The following ETFB variants were observed in gnomAD, a reference collection of about 807,000 sequenced individuals.
The protein encoded by ETFB is beta-ETF.
Under a neutral mutation model 25.6 loss-of-function variants are expected in ETFB, and 20 were observed. The observed-to-expected ratio is 0.78, with a 90% CI of 0.55 to 1.14. ETFB has a LOEUF of 1.14. Among genes scored for constraint, ETFB ranks in the 50% most tolerant of loss-of-function variants. The pLI, the probability that ETFB is intolerant of heterozygous loss-of-function variation, is 0.00. For synonymous variants in ETFB, 142 were observed against 146.7 expected (o/e 0.97, Z 0.23); for missense variants, 286 against 342.6 (o/e 0.83, Z 1.30).
chr19:51,354,480 C>T, intron 1 of ETFB, 172 bp from the exon 2 acceptor site: 1 of 1,614,150 alleles, frequency 6.2e-7, no homozygotes, highest in Non-Finnish European at 8.5e-7. Flanking sequence ...AGTTTGTAGG[C>T]AGGGGCAGGT....
intron 3 of ETFB, among the ~76,000 whole-genome samples, chr19:51,352,047 G>A (rs756959296): frequency 3.3e-5 from 5 of 151,968 alleles, no homozygotes; most frequent in African/African-American, 1.2e-4. Flanking sequence ...CTACCCCTGA[G>A]CAGAGGTGGT....
At chr19:51,347,419 C>G (rs561769511) in intron 4 of ETFB, 1 of 225,708 alleles carries the variant, frequency 4.4e-6, no homozygotes, top group African/African-American at 2.3e-5. Context: ...CCCCACTTTA[C>G]AGATGAGAGA....
chr19:51,361,080 C>T (rs1312561105), intron 1 of ETFB, among the ~76,000 whole-genome samples: 3 of 152,030 alleles, frequency 2.0e-5, no homozygotes, highest in Admixed American at 6.6e-5. Flanking sequence ...CCACCGCGCC[C>T]GGCCCACGCC....
intron 1 of ETFB, among the ~76,000 whole-genome samples, chr19:51,360,400 CAA>C (rs1245691469): frequency 6.2e-5 from 7 of 113,144 alleles, no homozygotes; most frequent in African/African-American, 3.3e-5. Flanking sequence ...GATTCTATCT[CAA>C]AAAAAAAAAA....
At position 51,350,205 on chromosome 19, in the gene ETFB, G is replaced by A. The variant is rs1194177592; in HGVS notation, c.438+124C>T. ...TCAAGGAGGGGAACAAGAAAGCCAT[G>A]AGGCAATCCGAGGGAACAGTGTTCC... On this transcript the variant is annotated intron_variant, in intron 4 of 5. Coordinates refer to ENST00000309244, the MANE Select transcript of ETFB (RefSeq NM_001985.3). The A allele has an allele frequency of 5.6e-6, 6 of 1,076,008 alleles. No homozygotes were observed. In the East Asian group the frequency reaches 1.3e-4, roughly 23 times the overall value. 66.7% of individuals were successfully genotyped at this position (1,076,008 alleles called of 1,614,324 possible). A position where few individuals can be genotyped will look rare whatever the true frequency, so the allele number is the denominator to read the frequency against.
chr19:51,348,933 G>A (rs150375792), intron 4 of ETFB, among the ~76,000 whole-genome samples: 3 of 152,270 alleles, frequency 2.0e-5, no homozygotes, highest in South Asian at 2.1e-4. Context: ...TCCAAAAAAC[G>A]TAAAATACAG....
intron 3 of ETFB, among the ~76,000 whole-genome samples, chr19:51,351,977 C>T (rs944602530): frequency 1.3e-5 from 2 of 152,068 alleles, no homozygotes; most frequent in African/African-American, 4.8e-5. Flanking sequence ...GCTCTTCTGA[C>T]GTCCCTCTTC....
chr19:51,358,485 G>A (rs1226903035), intron 1 of ETFB, among the ~76,000 whole-genome samples: 1 of 151,826 alleles, frequency 6.6e-6, no homozygotes, highest in African/African-American at 2.4e-5. Context: ...TGGGCAACAG[G>A]TTCTACAAAC....
intron 1 of ETFB, among the ~76,000 whole-genome samples, chr19:51,364,780 T>C (rs531601982): frequency 5.3e-5 from 8 of 152,254 alleles, no homozygotes; most frequent in Non-Finnish European, 8.8e-5. Flanking sequence ...TTGAGGGAGA[T>C]GGGAGAGCAG....
intron 2 of ETFB, among the ~76,000 whole-genome samples, chr19:51,353,761 C>T (rs74176132): frequency 0.29 from 3,073 of 10,722 alleles, 1,115 homozygotes; most frequent in Middle Eastern, 0.42. Flanking sequence ...TCCAGACTTC[C>T]AGCCTCCTCC....
intron 1 of ETFB, chr19:51,361,889 G>A (rs1344085240): frequency 2.0e-5 from 3 of 151,980 alleles, no homozygotes; most frequent in Admixed American, 1.3e-4. Flanking sequence ...ATTTTTAGTA[G>A]AGACAGAGTT....
Position 51,353,113 on chromosome 19 carries a change from G to A in ETFB, c.375+19C>T, listed in dbSNP as rs1243994371. 4 of 1,613,592 alleles carry A rather than the reference G, an allele frequency of 2.5e-6. No homozygotes were observed. Among genetic ancestry groups the A allele is most frequent in the Non-Finnish European group, 3.4e-6 (4 of 1,179,934 alleles). On this transcript the variant is annotated intron_variant, in intron 3 of 5. Coordinates refer to ENST00000309244, the MANE Select transcript of ETFB (RefSeq NM_001985.3). Reference sequence around the variant, plus strand: ...GCAGGGATGAGCAAGGGGGCACAGGGAGGGCTGACCACAGCTACCTGTTTG... The same window carrying A: ...GCAGGGATGAGCAAGGGGGCACAGGAAGGGCTGACCACAGCTACCTGTTTG...
In ETFB at chr19:51,366,384, G is replaced by GGGCCCCCCCC; in HGVS notation, c.-59_-58insGGGGGGGGCC. ...GCACCCTCAGCGGCTCAGTCCAGAA[G>GGGCCCCCCCC]CCCCACCACCCCCGCCCCCCGCGCC... On this transcript the variant is annotated 5_prime_UTR_variant, in exon 1 of 6. Coordinates refer to ENST00000309244, the MANE Select transcript of ETFB (RefSeq NM_001985.3). The GGGCCCCCCCC allele has an allele frequency of 1.3e-6, 2 of 1,525,616 alleles. No homozygotes were observed. Among genetic ancestry groups the GGGCCCCCCCC allele is most frequent in the East Asian group, 2.3e-5 (1 of 42,564 alleles). 94.5% of individuals were successfully genotyped at this position (1,525,616 alleles called of 1,614,324 possible).
intron 2 of ETFB, 71 bp downstream of exon 2, chr19:51,354,079 C>T: frequency 2.6e-6 from 4 of 1,536,190 alleles, no homozygotes; most frequent in Non-Finnish European, 3.5e-6. Context: ...CCCTCAGACC[C>T]AGGAGTCCAG....
chr19:51,361,273 A>G (rs2123608846), intron 1 of ETFB, among the ~76,000 whole-genome samples: 1 of 152,128 alleles, frequency 6.6e-6, no homozygotes, highest in East Asian at 1.9e-4. Flanking sequence ...CTCTTCCTGA[A>G]CCCCTGACAC....
In ETFB at chr19:51,346,976, C is replaced by T. The variant is rs141917423; in HGVS notation, c.521G>A (p.Arg174His). Residue 174 changes from arginine to histidine, a missense_variant, in exon 5 of 6, where the codon CGC becomes CAC. Arg to His is a conservative substitution (Grantham distance 29). Transcript: ENST00000309244. ...REIDGGLETLRLKLPAVVTAD... is the reference protein window; with the variant it reads ...REIDGGLETLHLKLPAVVTAD... ...TGTCACCACAGCTGGCAGCTTCAGG[C>T]GCAGGGTCTCCAGGCCCCCATCGAT... is the stretch of plus-strand genomic sequence containing the variant. The T allele has an allele frequency of 2.5e-4, 398 of 1,608,744 alleles. 1 individual carries two copies. The African/African-American group carries it at 5.0e-3, about 20-fold the overall frequency.
intron 4 of ETFB, among the ~76,000 whole-genome samples, chr19:51,349,322 TG>T (rs1287797451): frequency 6.6e-6 from 1 of 152,238 alleles, no homozygotes; most frequent in Admixed American, 6.5e-5. Flanking sequence ...AATATTTTTA[TG>T]TTGATTACAT....
intron 1 of ETFB, among the ~76,000 whole-genome samples, chr19:51,361,026 C>G (rs150228381): frequency 0.028 from 4,308 of 152,128 alleles, 178 homozygotes; most frequent in African/African-American, 0.095. Flanking sequence ...ACCTTGTGAT[C>G]CACCCGCCTC....
chr19:51,352,570 C>G (rs1376743094), intron 3 of ETFB, among the ~76,000 whole-genome samples: 1 of 152,160 alleles, frequency 6.6e-6, no homozygotes, highest in Non-Finnish European at 1.5e-5. Flanking sequence ...ATGTGACCAT[C>G]ACCTCGGCCT....
Sources: allele counts gnomAD v4.1 joint callset (sites outside exome capture counted in the v4.1 genomes callset), GRCh38; gene constraint gnomAD v4.1.1; transcripts MANE v1.5; gene names NCBI Gene and HGNC (gene_info 2026-07-23, HGNC 2026-07-21).